NRXN1: variants seen among roughly 807,000 people sequenced by gnomAD.
NRXN1 encodes the protein neurexin 1, also known as neurexin-1.
NRXN1 carries 39 observed loss-of-function variants against 150.9 expected under a neutral mutation model. That is an observed-to-expected ratio of 0.26 (90% CI 0.20 to 0.34). The LOEUF is 0.34. Ranked by LOEUF, NRXN1 falls within the 10% of genes least tolerant of loss-of-function variation. The pLI is 1.00. For synonymous variants in NRXN1, 924 were observed against 757.0 expected, an observed-to-expected ratio of 1.22 and a Z score of -3.62; for missense variants, 1,815 against 1,949.9, an observed-to-expected ratio of 0.93 and a Z score of 1.30.
chr2:51,030,648 G>T (rs1671380355), intron 1 of NRXN1, among the ~76,000 whole-genome samples: 1 of 151,980 alleles, frequency 6.6e-6, no homozygotes, highest in Admixed American at 6.6e-5. Flanking sequence ...TATTATGGCT[G>T]ATACATTCCA....
chr2:50,075,119 C>T (rs1388665018), intron 19 of NRXN1, among the ~76,000 whole-genome samples: 1 of 152,060 alleles, frequency 6.6e-6, no homozygotes, highest in East Asian at 1.9e-4. Context: ...TGTATAGAAA[C>T]AAAACAATTA....
intron 12 of NRXN1, among the ~76,000 whole-genome samples, chr2:50,520,716 A>G (rs1321095856): frequency 6.6e-6 from 1 of 151,966 alleles, no homozygotes; most frequent in Non-Finnish European, 1.5e-5. Flanking sequence ...AAAATTTCTC[A>G]GTTGATTTAT....
At chr2:50,427,169 A>G (rs2084561871) in intron 17 of NRXN1, among the ~76,000 whole-genome samples, 2 of 152,200 alleles carry the variant, frequency 1.3e-5, no homozygotes, top group Admixed American at 6.5e-5. Context: ...GACGATAAAA[A>G]TACTTTAATT....
intron 17 of NRXN1, among the ~76,000 whole-genome samples, chr2:50,301,535 C>A (rs1317929102): frequency 6.6e-6 from 1 of 152,144 alleles, no homozygotes; most frequent in Non-Finnish European, 1.5e-5. Context: ...GTCTCAACAT[C>A]AACAGATTTT....
At chr2:50,580,525 A>G (rs1388154288) in intron 8 of NRXN1, among the ~76,000 whole-genome samples, 12 of 152,212 alleles carry the variant, frequency 7.9e-5, no homozygotes, top group Non-Finnish European at 8.8e-5. Context: ...AATAAAACTG[A>G]GTGGGACAGA....
rs200532412 is a variant in NRXN1, at chr2:50,623,518, C to T, written c.930G>A (p.Leu310=). The T allele has an allele frequency of 2.0e-5, 32 of 1,613,346 alleles. 1 individual carries two copies. The South Asian group carries it at 3.5e-4, about 18-fold the overall frequency. ...PIQSSSDEIT[L]SFKTLQRNGL... ...CATTCCTCTGAAGGGTTTTAAATGA[C>T]AGAGTTATTTCATCACTGCTGCTTT... is the stretch of plus-strand genomic sequence containing the variant. Residue 310 remains leucine, a synonymous_variant, in exon 6 of 23, where the codon CTG becomes CTA. Coordinates refer to ENST00000401669, the MANE Select transcript of NRXN1 (RefSeq NM_001330078.2).
chr2:50,975,727 A>G (rs1023623108), intron 2 of NRXN1, among the ~76,000 whole-genome samples: 32 of 152,056 alleles, frequency 2.1e-4, no homozygotes, highest in African/African-American at 7.5e-4. Flanking sequence ...CCTTGAATTC[A>G]CACGGGAATG....
At chr2:50,415,728 T>C (rs980745787) in intron 17 of NRXN1, among the ~76,000 whole-genome samples, 1 of 152,098 alleles carries the variant, frequency 6.6e-6, no homozygotes, top group South Asian at 2.1e-4. Context: ...TCATAAATAT[T>C]GAGTCCAGGA....
intron 5 of NRXN1, among the ~76,000 whole-genome samples, chr2:50,897,842 T>C (rs574517828): frequency 6.6e-6 from 1 of 152,358 alleles, no homozygotes; most frequent in Non-Finnish European, 1.5e-5. Flanking sequence ...GTTTCACAAG[T>C]GTAAACAATT....
At chr2:49,957,703 G>A (rs574515417) in intron 21 of NRXN1, among the ~76,000 whole-genome samples, 1 of 152,152 alleles carries the variant, frequency 6.6e-6, no homozygotes, top group Non-Finnish European at 1.5e-5. Context: ...GAGGCTCTTT[G>A]AATTATGTGC....
In NRXN1 at chr2:50,883,517, A is replaced by AT. The variant is rs1303392147; in HGVS notation, c.832+38351dup. Reference sequence around the variant, plus strand: ...ATATCTGTGAATGTTATTGGATAACATTAAAATAATGTAAAATTTGAATTG... The same window carrying AT: ...ATATCTGTGAATGTTATTGGATAACATTTAAAATAATGTAAAATTTGAATTG... On this transcript the variant is annotated intron_variant, in intron 5 of 22. Transcript: ENST00000401669. 1.1e-4 allele frequency among the ~76,000 whole-genome samples: 17 copies of AT among 151,812 alleles called. 1 individual carries two copies. In the South Asian group the frequency reaches 3.3e-3, roughly 30 times the overall value.
At chr2:50,792,944 T>G (rs142084061) in intron 5 of NRXN1, among the ~76,000 whole-genome samples, 307 of 152,218 alleles carry the variant, frequency 2.0e-3, no homozygotes, top group African/African-American at 7.1e-3. Flanking sequence ...CTGGTTCTAA[T>G]GTCAGTTCTT....
intron 18 of NRXN1, among the ~76,000 whole-genome samples, chr2:50,219,120 T>C (rs1382901601): frequency 6.6e-6 from 1 of 151,860 alleles, no homozygotes; most frequent in Non-Finnish European, 1.5e-5. Flanking sequence ...CTGTTTTCAT[T>C]ATATTCAAAC....
chr2:50,350,151 C>G (rs1177773807), intron 17 of NRXN1, among the ~76,000 whole-genome samples: 2 of 152,170 alleles, frequency 1.3e-5, no homozygotes, highest in Non-Finnish European at 2.9e-5. Flanking sequence ...AATCCATTGC[C>G]TTGTTTTATG....
At chr2:50,011,647 G>T (rs1173919201) in intron 21 of NRXN1, among the ~76,000 whole-genome samples, 2 of 152,004 alleles carry the variant, frequency 1.3e-5, no homozygotes, top group Non-Finnish European at 2.9e-5. Context: ...GGCTGGTCAA[G>T]TTGCCAGCCT....
At position 50,744,281 on chromosome 2, in the gene NRXN1, C is replaced by A. The variant is rs1699762914; in HGVS notation, c.833-120666G>T. On this transcript the variant is annotated intron_variant, in intron 5 of 22. Coordinates refer to ENST00000401669, the MANE Select transcript of NRXN1 (RefSeq NM_001330078.2). The stretch of plus-strand genomic sequence containing the variant: ...ATGAAGCTAAGGTAATATTTGTAAG[C>A]AAAGGAAATCCCCAATGTGGAACAA... Among the ~76,000 whole-genome samples, 3 of 151,700 alleles carry A rather than the reference C, an allele frequency of 2.0e-5. No homozygotes were observed. In the South Asian group the frequency reaches 6.2e-4, roughly 32 times the overall value.
chr2:50,941,247 G>A (rs1333489310), intron 2 of NRXN1, among the ~76,000 whole-genome samples: 4 of 152,016 alleles, frequency 2.6e-5, no homozygotes, highest in East Asian at 1.9e-4. Flanking sequence ...ACCGAGTCTC[G>A]GGTAGTTCTT....
chr2:50,842,610 T>C (rs1412732143), intron 5 of NRXN1, among the ~76,000 whole-genome samples: 1 of 152,206 alleles, frequency 6.6e-6, no homozygotes, highest in African/African-American at 2.4e-5. Flanking sequence ...TGGGAACTAA[T>C]CTGATATCCA....
At chr2:50,188,880 A>C (rs1224719941) in intron 18 of NRXN1, among the ~76,000 whole-genome samples, 1 of 152,168 alleles carries the variant, frequency 6.6e-6, no homozygotes, top group East Asian at 1.9e-4. Flanking sequence ...GATGCTGGAG[A>C]GGATGTGGAG....
Sources: gnomAD v4.1 joint callset for allele counts (sites outside exome capture counted in the v4.1 genomes callset) on GRCh38, gnomAD v4.1.1 for gene constraint, MANE v1.5 for transcripts, NCBI Gene and HGNC (gene_info 2026-07-23, HGNC 2026-07-21) for gene names.